The following IGSF10 variants were observed in gnomAD, a reference collection of about 807,000 sequenced individuals.
IGSF10 encodes immunoglobulin superfamily member 10.
A neutral mutation model predicts 128.2 loss-of-function variants in IGSF10; 126 were observed. That is an observed-to-expected ratio of 0.98 (90% CI 0.85 to 1.14). The LOEUF is 1.14. IGSF10 is among the 50% of genes most tolerant of loss of function. IGSF10 has a pLI of 0.00. For missense variants in IGSF10, 3,295 were observed against 3,149.8 expected, an observed-to-expected ratio of 1.05 and a Z score of -1.10; for synonymous variants, 1,185 against 1,146.2, an observed-to-expected ratio of 1.03 and a Z score of -0.68.
Position 151,437,118 on chromosome 3 carries a change from C to T in IGSF10, c.7443G>A (p.Gly2481=). 2 of 1,614,086 alleles carry T rather than the reference C, an allele frequency of 1.2e-6. No individual in the cohort carries two copies. The highest frequency in any genetic ancestry group is 1.3e-5 in the African/African-American group (1 of 74,990). The change falls in exon 8 of 8, where the codon GGG becomes GGA. Residue 2481 remains glycine (G), a synonymous_variant. Coordinates refer to ENST00000282466, the MANE Select transcript of IGSF10 (RefSeq NM_178822.5). ...TGCCATTGTCATGCAATATGTATTT[C>T]CCATTAATTTGAGGCCTGTCTACTA... ...GYVVDRPQIN[G]KYILHDNGTL...
chr3:151,552,697 G>T, the IGSF10 span, among the ~76,000 whole-genome samples: 1 of 152,106 alleles, frequency 6.6e-6, no homozygotes, highest in Non-Finnish European at 1.5e-5. Flanking sequence ...TCCTCAGGGG[G>T]TTAGTGCTGG....
rs750097086 is a variant in IGSF10 at position 151,458,732 on chromosome 3, G to A, written c.-1-22C>T. 2.5e-6 allele frequency: 4 copies of A among 1,590,370 alleles called. No homozygotes were observed. The East Asian group carries it at 8.9e-5, about 36-fold the overall frequency. On this transcript the variant is annotated intron_variant, in intron 2 of 7. Transcript: ENST00000282466. Reference sequence around the variant, plus strand: ...CATCCTGAAAAAACATCATACCTCAGAGTTATAAAGAGTGGTGGAGCAAAG... The same window carrying A: ...CATCCTGAAAAAACATCATACCTCAAAGTTATAAAGAGTGGTGGAGCAAAG...
At chr3:151,586,342 AT>A in the IGSF10 span, among the ~76,000 whole-genome samples, 1 of 152,220 alleles carries the variant, frequency 6.6e-6, no homozygotes. Flanking sequence ...GAAAAAGAAT[AT>A]TTCTTTCTTT....
intron 5 of IGSF10, among the ~76,000 whole-genome samples, chr3:151,452,430 T>A (rs1302317570): frequency 6.6e-6 from 1 of 152,218 alleles, no homozygotes; most frequent in Non-Finnish European, 1.5e-5. Flanking sequence ...TATTTATGTA[T>A]CTAAACTTAG....
At chr3:151,488,512 C>A in the IGSF10 span, among the ~76,000 whole-genome samples, 1 of 152,092 alleles carries the variant, frequency 6.6e-6, no homozygotes. Flanking sequence ...GCCCGCATAG[C>A]CAAGATAATC....
chr3:151,509,647 C>T, the IGSF10 span, among the ~76,000 whole-genome samples: 889 of 152,274 alleles, frequency 5.8e-3, 8 homozygotes, highest in African/African-American at 0.02. Context: ...GCGGGTGCAG[C>T]GCACCGTGCA....
rs1349111448 is a variant in IGSF10, at chr3:151,436,287, G to A, written c.*402C>T. On this transcript the variant is annotated 3_prime_UTR_variant, in exon 8 of 8. Coordinates refer to ENST00000282466, the MANE Select transcript of IGSF10 (RefSeq NM_178822.5). ...GTAAATTTACATCATAAAGATTGCAGATTTAATATTTTCCATTGTCTCTGT... is the reference window on the plus strand; with the variant it reads ...GTAAATTTACATCATAAAGATTGCAAATTTAATATTTTCCATTGTCTCTGT... 6.3e-6 allele frequency: 1 copy of A among 158,976 alleles called. No homozygotes were observed. The highest frequency in any genetic ancestry group is 2.4e-5 in the African/African-American group (1 of 41,284). 9.8% of individuals were successfully genotyped at this position (158,976 alleles called of 1,614,324 possible).
At chr3:151,432,531 G>A (rs1263447458), downstream of IGSF10, among the ~76,000 whole-genome samples, 3 of 152,122 alleles carry the variant, frequency 2.0e-5, no homozygotes, top group East Asian at 1.9e-4. Context: ...TAAATCCTGC[G>A]GCCTTGCATT....
chr3:151,473,629 CA>C, the IGSF10 span, among the ~76,000 whole-genome samples: 9 of 152,084 alleles, frequency 5.9e-5, no homozygotes, highest in African/African-American at 1.9e-4. Context: ...AAAGGAGCCA[CA>C]AAAAAAGTAA....
downstream of IGSF10, chr3:151,434,932 T>G (rs1049301698): frequency 6.6e-6 from 1 of 152,224 alleles, no homozygotes; most frequent in Non-Finnish European, 1.5e-5. Flanking sequence ...ATGCTACGAC[T>G]CTAATTAATT....
chr3:151,486,217 CAAAG>C, the IGSF10 span, among the ~76,000 whole-genome samples: 1 of 151,988 alleles, frequency 6.6e-6, no homozygotes, highest in Non-Finnish European at 1.5e-5. Flanking sequence ...CCAAAAGAGA[CAAAG>C]AAGGGCATTA....
Position 151,447,049 on chromosome 3 carries a change from T to C in IGSF10, c.2932A>G (p.Ser978Gly). The change falls in exon 6 of 8, where the codon AGC becomes GGC. Residue 978 changes from serine to glycine, a missense_variant. By Grantham distance (56) the Ser-to-Gly change is moderately conservative. Transcript: ENST00000282466. ...HFYSHTTQIL[S>G]TSTFPSDPHT... ...GGATCTGAAGGGAACGTGGAGGTGC[T>C]AAGTATTTGAGTAGTGTGAGAATAG... is the stretch of plus-strand genomic sequence containing the variant. 6.2e-7 allele frequency: 1 copy of C among 1,613,610 alleles called. No individual in the cohort carries two copies. The highest frequency in any genetic ancestry group is 1.3e-5 in the African/African-American group (1 of 74,864).
At chr3:151,610,167 G>A in the IGSF10 span, among the ~76,000 whole-genome samples, 1 of 152,134 alleles carries the variant, frequency 6.6e-6, no homozygotes, top group African/African-American at 2.4e-5. Flanking sequence ...TTGGGTGGAA[G>A]GAGAGCATTG....
the IGSF10 span, among the ~76,000 whole-genome samples, chr3:151,614,263 C>G: frequency 6.6e-6 from 1 of 152,128 alleles, no homozygotes; most frequent in African/African-American, 2.4e-5. Flanking sequence ...GTCAGTGTGG[C>G]GATTCCTCAG....
At chr3:151,573,585 A>C in the IGSF10 span, among the ~76,000 whole-genome samples, 1 of 152,052 alleles carries the variant, frequency 6.6e-6, no homozygotes, top group Non-Finnish European at 1.5e-5. Context: ...TGCTTGGTAG[A>C]TCTTCCTCCA....
Position 151,446,642 on chromosome 3 carries a change from A to G in IGSF10, c.3339T>C (p.Leu1113=), listed in dbSNP as rs1203083257. 2 of 1,614,004 alleles carry G rather than the reference A, an allele frequency of 1.2e-6. No individual in the cohort carries two copies. Among genetic ancestry groups the G allele is most frequent in the Admixed American group, 1.7e-5 (1 of 60,016 alleles). ...TTTTCTCTACACTGGGTTTGTTCTC[A>G]AGTAGTAATAGTGGATTCTGGACTA... ...TTLVQNPLLL[L]ENKPSVEKTT... Residue 1113 remains leucine (L), a synonymous_variant, in exon 6 of 8, where the codon CTT becomes CTC. Coordinates refer to ENST00000282466, the MANE Select transcript of IGSF10 (RefSeq NM_178822.5).
At chr3:151,467,903 AAAAGAAAAAAAG>A in the IGSF10 span, among the ~76,000 whole-genome samples, 1 of 152,042 alleles carries the variant, frequency 6.6e-6, no homozygotes, top group Non-Finnish European at 1.5e-5. Flanking sequence ...GAAAAAAGAA[AAAAGAAAAAAAG>A]AAAGAAAAAT....
chr3:151,519,591 G>T, the IGSF10 span, among the ~76,000 whole-genome samples: 1 of 151,784 alleles, frequency 6.6e-6, no homozygotes, highest in Non-Finnish European at 1.5e-5. Context: ...GGTTACTTTG[G>T]TGCTAGACTT....
the IGSF10 span, among the ~76,000 whole-genome samples, chr3:151,591,957 T>C: frequency 6.6e-6 from 1 of 152,154 alleles, no homozygotes; most frequent in African/African-American, 2.4e-5. Flanking sequence ...AGACAAAAAT[T>C]TAGCAAATTT....
Sources: gnomAD v4.1 joint callset for allele counts (sites outside exome capture counted in the v4.1 genomes callset) on GRCh38, gnomAD v4.1.1 for gene constraint, MANE v1.5 for transcripts, NCBI Gene and HGNC (gene_info 2026-07-23, HGNC 2026-07-21) for gene names.